ATG5: variants seen among roughly 807,000 people sequenced by gnomAD.
ATG5 encodes the protein autophagy related 5.
ATG5 carries 14 observed loss-of-function variants against 36.5 expected under a neutral mutation model. That is an observed-to-expected ratio of 0.38 (90% CI 0.25 to 0.60). The LOEUF is 0.60. ATG5 is among the 20% of genes least tolerant of loss of function. The pLI, the probability that ATG5 is intolerant of heterozygous loss-of-function variation, is 0.60. For synonymous variants in ATG5, 95 were observed against 101.5 expected (o/e 0.94, Z 0.38); for missense variants, 195 against 326.7 (o/e 0.60, Z 3.11).
chr6:106,289,239 CACTT>C (rs1297878156), intron 4 of ATG5, among the ~76,000 whole-genome samples: 3 of 152,110 alleles, frequency 2.0e-5, no homozygotes, highest in Non-Finnish European at 2.9e-5. Context: ...TGAAAATTAA[CACTT>C]ACCCAGTTTC....
intron 6 of ATG5, among the ~76,000 whole-genome samples, chr6:106,231,620 A>C (rs1777696138): frequency 6.6e-6 from 1 of 152,204 alleles, no homozygotes; most frequent in Admixed American, 6.5e-5. Flanking sequence ...TGACTAACGG[A>C]GGCATTGAGG....
At chr6:106,322,341 T>G (rs1458697314) in intron 1 of ATG5, among the ~76,000 whole-genome samples, 1 of 152,202 alleles carries the variant, frequency 6.6e-6, no homozygotes, top group Non-Finnish European at 1.5e-5. Context: ...TAATTTTCAC[T>G]GACAAAACCC....
intron 6 of ATG5, among the ~76,000 whole-genome samples, chr6:106,232,378 G>A (rs146541555): frequency 2.0e-5 from 3 of 152,138 alleles, no homozygotes; most frequent in Non-Finnish European, 2.9e-5. Context: ...ATGCCTGAAA[G>A]CCCAACTCCC....
At chr6:106,208,837 G>T (rs1776742507) in intron 6 of ATG5, among the ~76,000 whole-genome samples, 1 of 151,990 alleles carries the variant, frequency 6.6e-6, no homozygotes, top group South Asian at 2.1e-4. Flanking sequence ...TTTAAAAAAA[G>T]CAAATAATCC....
intron 3 of ATG5, among the ~76,000 whole-genome samples, chr6:106,293,472 T>C (rs909883739): frequency 6.6e-6 from 1 of 152,216 alleles, no homozygotes; most frequent in Non-Finnish European, 1.5e-5. Context: ...TTTTTTACTT[T>C]TAGAACTTAA....
In ATG5 at chr6:106,205,335, T is replaced by C. The variant is rs552719263; in HGVS notation, c.574-3246A>G. Among the ~76,000 whole-genome samples the C allele has an allele frequency of 3.3e-5, 5 of 152,172 alleles. No homozygotes were observed. The East Asian group carries it at 9.6e-4, about 29-fold the overall frequency. On this transcript the variant is annotated intron_variant, in intron 6 of 7. Coordinates refer to ENST00000369076, the MANE Select transcript of ATG5 (RefSeq NM_004849.4). ...AAAACAACAAAGTCAAAGGAATCTT[T>C]TCAAGAATTTGGAGCTCTCATTCAT...
chr6:106,281,123 A>G (rs997120532), intron 4 of ATG5, among the ~76,000 whole-genome samples: 1 of 152,216 alleles, frequency 6.6e-6, no homozygotes, highest in South Asian at 2.1e-4. Flanking sequence ...CTGAGTGACT[A>G]TGAAACACTG....
At chr6:106,274,066 G>C (rs938515533) in intron 5 of ATG5, among the ~76,000 whole-genome samples, 4 of 152,128 alleles carry the variant, frequency 2.6e-5, no homozygotes, top group Admixed American at 2.6e-4. Flanking sequence ...GCGTTTATTT[G>C]CAGGTCTACA....
chr6:106,206,051 A>G (rs766998319), intron 6 of ATG5, among the ~76,000 whole-genome samples: 35 of 152,174 alleles, frequency 2.3e-4, no homozygotes, highest in Admixed American at 4.6e-4. Context: ...AAAATACTCA[A>G]TTTGGGGAGT....
At chr6:106,233,973 C>A (rs531720791) in intron 6 of ATG5, among the ~76,000 whole-genome samples, 7 of 152,238 alleles carry the variant, frequency 4.6e-5, no homozygotes, top group Non-Finnish European at 8.8e-5. Context: ...ACCCATATGC[C>A]CCACAACTGC....
At chr6:106,224,521 G>A (rs1291720090) in intron 6 of ATG5, among the ~76,000 whole-genome samples, 1 of 152,218 alleles carries the variant, frequency 6.6e-6, no homozygotes, top group African/African-American at 2.4e-5. Flanking sequence ...TATGTATTTG[G>A]TAGTGAATGG....
intron 6 of ATG5, among the ~76,000 whole-genome samples, chr6:106,232,032 C>T (rs113279835): frequency 0.021 from 3,128 of 152,294 alleles, 99 homozygotes; most frequent in African/African-American, 0.072. Flanking sequence ...TCAAGGGAAT[C>T]ACTGTAAGGC....
chr6:106,299,369 C>CT (rs1770112081), intron 3 of ATG5, among the ~76,000 whole-genome samples: 2 of 151,964 alleles, frequency 1.3e-5, no homozygotes, highest in African/African-American at 4.8e-5. Flanking sequence ...TTAGTTATTG[C>CT]TTTTTTCCCC....
At chr6:106,261,373 A>G (rs1254643526) in intron 5 of ATG5, among the ~76,000 whole-genome samples, 1 of 152,258 alleles carries the variant, frequency 6.6e-6, no homozygotes, top group Admixed American at 6.5e-5. Flanking sequence ...CTACAATCCC[A>G]GCTAAATCCC....
At chr6:106,194,657 C>G (rs1664368185) in intron 7 of ATG5, among the ~76,000 whole-genome samples, 1 of 152,048 alleles carries the variant, frequency 6.6e-6, no homozygotes, top group East Asian at 1.9e-4. Flanking sequence ...CCTGCCTCAG[C>G]CTCCCAAGTA....
intron 6 of ATG5, among the ~76,000 whole-genome samples, chr6:106,212,122 GTTAT>G (rs1432520401): frequency 1.3e-5 from 2 of 152,176 alleles, no homozygotes; most frequent in Non-Finnish European, 2.9e-5. Context: ...AGTACTATGT[GTTAT>G]TTAAGAATTA....
At chr6:106,258,099 A>C (rs1430221663) in intron 5 of ATG5, among the ~76,000 whole-genome samples, 1 of 152,114 alleles carries the variant, frequency 6.6e-6, no homozygotes, top group Non-Finnish European at 1.5e-5. Context: ...TTTATTTTGC[A>C]CTTGTAATGC....
At chr6:106,211,837 T>C (rs900454419) in intron 6 of ATG5, among the ~76,000 whole-genome samples, 1 of 152,250 alleles carries the variant, frequency 6.6e-6, no homozygotes, top group African/African-American at 2.4e-5. Context: ...AATTTATGTA[T>C]GTTGTATTTT....
intron 2 of ATG5, among the ~76,000 whole-genome samples, chr6:106,310,046 T>C (rs1480193039): frequency 6.6e-6 from 1 of 152,130 alleles, no homozygotes; most frequent in Non-Finnish European, 1.5e-5. Context: ...ATGATTTTTA[T>C]GAAATAAAAT....
Sources: allele counts gnomAD v4.1 joint callset (sites outside exome capture counted in the v4.1 genomes callset), GRCh38; gene constraint gnomAD v4.1.1; transcripts MANE v1.5; gene names NCBI Gene and HGNC (gene_info 2026-07-23, HGNC 2026-07-21).